Variants in MARCHF1 observed in about 807,000 individuals in gnomAD.
MARCHF1 encodes the protein membrane associated ring-CH-type finger 1.
In MARCHF1, 40 loss-of-function variants were observed where a neutral mutation model predicts 54.2. The observed-to-expected ratio is 0.74, with a 90% CI of 0.57 to 0.96. The LOEUF is 0.96. MARCHF1 is among the 40% of genes least tolerant of loss of function. MARCHF1 has a pLI of 0.00. For missense variants in MARCHF1, 586 were observed against 656.5 expected, an observed-to-expected ratio of 0.89 and a Z score of 1.17; for synonymous variants, 236 against 236.3, an observed-to-expected ratio of 1.00 and a Z score of 0.01.
chr4:163,936,308 G>GA (rs1453736384), intron 3 of MARCHF1, among the ~76,000 whole-genome samples: 3 of 152,138 alleles, frequency 2.0e-5, no homozygotes, highest in African/African-American at 4.8e-5. Context: ...ACATGCTATT[G>GA]AAAAAACAGT....
At chr4:164,044,819 ACTCTCTCT>A (rs10550366) in intron 2 of MARCHF1, among the ~76,000 whole-genome samples, 1 of 150,982 alleles carries the variant, frequency 6.6e-6, no homozygotes, top group African/African-American at 2.4e-5. Context: ...GACACTATAG[ACTCTCTCT>A]CTCTATCTAT....
intron 2 of MARCHF1, among the ~76,000 whole-genome samples, chr4:164,105,694 C>A (rs557431648): frequency 2.2e-5 from 2 of 91,572 alleles, no homozygotes; most frequent in East Asian, 4.4e-4. Context: ...CCATTCAGGA[C>A]ATACGCATGG....
intron 2 of MARCHF1, among the ~76,000 whole-genome samples, chr4:164,110,995 G>T (rs1755823060): frequency 6.6e-6 from 1 of 151,674 alleles, no homozygotes; most frequent in Non-Finnish European, 1.5e-5. Flanking sequence ...AATAGCCTTT[G>T]GTTGCTCTGG....
In MARCHF1 at chr4:163,689,966, T is replaced by C. The variant is rs146952808; in HGVS notation, c.162+10847A>G. Among the ~76,000 whole-genome samples the C allele has an allele frequency of 3.1e-3, 471 of 152,346 alleles. 1 individual carries two copies. The highest frequency in any genetic ancestry group is 0.01 in the African/African-American group (426 of 41,578). On this transcript the variant is annotated intron_variant, in intron 5 of 9. Transcript: ENST00000514618. ...TTCTTACTATCTTGGCTCTAAGCTC[T>C]TGCTCTGCCTGTCCTCACCCAGTAT...
intron 1 of MARCHF1, among the ~76,000 whole-genome samples, chr4:164,158,345 T>C (rs1730131932): frequency 6.6e-6 from 1 of 152,100 alleles, no homozygotes; most frequent in South Asian, 2.1e-4. Flanking sequence ...TATGTGAATA[T>C]GGAGAGTGAT....
chr4:163,789,747 G>A (rs558036716), intron 4 of MARCHF1, among the ~76,000 whole-genome samples: 4 of 152,098 alleles, frequency 2.6e-5, no homozygotes, highest in South Asian at 2.1e-4. Flanking sequence ...TAATATGTGG[G>A]AAAATATAGT....
At chr4:164,134,703 T>C (rs77471430) in intron 1 of MARCHF1, among the ~76,000 whole-genome samples, 1,535 of 152,236 alleles carry the variant, frequency 0.01, 28 homozygotes, top group African/African-American at 0.035. Context: ...GACTGTATAC[T>C]GGTATAAAAG....
At chr4:163,941,081 G>T (rs909425352) in intron 3 of MARCHF1, among the ~76,000 whole-genome samples, 4 of 151,994 alleles carry the variant, frequency 2.6e-5, no homozygotes, top group African/African-American at 9.7e-5. Flanking sequence ...AAATTTAGAA[G>T]TCTTATGCTT....
chr4:163,602,374 C>T (rs1278892878), intron 7 of MARCHF1, among the ~76,000 whole-genome samples: 1 of 152,010 alleles, frequency 6.6e-6, no homozygotes, highest in Admixed American at 6.6e-5. Context: ...GTAATGTATT[C>T]ATTTGCAAAG....
rs550253826 is a variant in MARCHF1, at chr4:164,100,480, G to C, written c.-248+11108C>G. 7.2e-5 allele frequency among the ~76,000 whole-genome samples: 11 copies of C among 152,236 alleles called. No individual in the cohort carries two copies. In the South Asian group the frequency reaches 2.1e-3, roughly 29 times the overall value. On this transcript the variant is annotated intron_variant, in intron 2 of 9. Transcript: ENST00000514618. ...CTGCACACAGGTACTTCCAACTTCT[G>C]GTGATAAGTAGAATTGCCAGCAATA...
At chr4:163,638,356 T>C (rs1412729751) in intron 5 of MARCHF1, among the ~76,000 whole-genome samples, 1 of 151,910 alleles carries the variant, frequency 6.6e-6, no homozygotes, top group Non-Finnish European at 1.5e-5. Flanking sequence ...AGTCCCATCG[T>C]CTTGGTGATG....
intron 7 of MARCHF1, among the ~76,000 whole-genome samples, chr4:163,601,224 T>C (rs1740952903): frequency 1.3e-5 from 2 of 152,202 alleles, no homozygotes; most frequent in Non-Finnish European, 2.9e-5. Context: ...TCAAGCTATA[T>C]ATAAATTCTC....
At chr4:163,719,117 G>C (rs1011855406) in intron 4 of MARCHF1, among the ~76,000 whole-genome samples, 1 of 152,072 alleles carries the variant, frequency 6.6e-6, no homozygotes, top group Non-Finnish European at 1.5e-5. Flanking sequence ...GGCCATGTTG[G>C]TGTGCTGCAC....
intron 4 of MARCHF1, among the ~76,000 whole-genome samples, chr4:163,717,991 A>G (rs1449201737): frequency 6.6e-6 from 1 of 152,194 alleles, no homozygotes; most frequent in Non-Finnish European, 1.5e-5. Flanking sequence ...CCTCAGAAAT[A>G]ATGCCACATA....
Position 164,292,617 on chromosome 4 carries a change from G to A in MARCHF1, c.-323+91253C>T, listed in dbSNP as rs1734312025. Among the ~76,000 whole-genome samples the A allele has an allele frequency of 1.3e-5, 2 of 152,044 alleles. 1 individual carries two copies. The highest frequency in any genetic ancestry group is 4.1e-4 in the South Asian group (2 of 4,828). On this transcript the variant is annotated intron_variant, in intron 1 of 9. Coordinates refer to ENST00000514618, the MANE Select transcript of MARCHF1 (RefSeq NM_001394959.1). ...GATTAACAACAAAATCTATTCATGT[G>A]AATGCAATACATAGTGTCTCAACTA...
At chr4:164,033,809 T>C (rs1753933630) in intron 2 of MARCHF1, among the ~76,000 whole-genome samples, 1 of 152,094 alleles carries the variant, frequency 6.6e-6, no homozygotes, top group East Asian at 1.9e-4. Flanking sequence ...ATAGTAACAC[T>C]TTTTACATTG....
Position 164,022,820 on chromosome 4 carries a change from C to G in MARCHF1, c.-247-34111G>C, listed in dbSNP as rs180686684. On this transcript the variant is annotated intron_variant, in intron 2 of 9. Transcript: ENST00000514618. ...GACTGGGGCACATCTGTTGCATAGGCCTTCCTGCTCACTAGCCACTCCTAG... is the reference window on the plus strand; with the variant it reads ...GACTGGGGCACATCTGTTGCATAGGGCTTCCTGCTCACTAGCCACTCCTAG... Among the ~76,000 whole-genome samples, 878 of 152,316 alleles carry G rather than the reference C, an allele frequency of 5.8e-3. 9 individuals are homozygous for G. Among genetic ancestry groups the G allele is most frequent in the African/African-American group, 0.017 (726 of 41,562 alleles).
chr4:164,137,838 C>T (rs547663226), intron 1 of MARCHF1, among the ~76,000 whole-genome samples: 2 of 152,002 alleles, frequency 1.3e-5, no homozygotes, highest in Non-Finnish European at 2.9e-5. Context: ...ATAAAATACA[C>T]ATAGAAATGA....
chr4:163,643,952 T>C (rs759678546), intron 5 of MARCHF1, among the ~76,000 whole-genome samples: 1 of 152,070 alleles, frequency 6.6e-6, no homozygotes, highest in Non-Finnish European at 1.5e-5. Context: ...CAAATGACAA[T>C]AGTATTGTGT....
Sources: gnomAD v4.1 joint callset for allele counts (sites outside exome capture counted in the v4.1 genomes callset) on GRCh38, gnomAD v4.1.1 for gene constraint, MANE v1.5 for transcripts, NCBI Gene and HGNC (gene_info 2026-07-23, HGNC 2026-07-21) for gene names.